CLTB: variants seen among roughly 807,000 people sequenced by gnomAD.
CLTB encodes clathrin light chain B.
CLTB carries 10 observed loss-of-function variants against 30.5 expected under a neutral mutation model. That is an observed-to-expected ratio of 0.33 (90% CI 0.20 to 0.56). CLTB has a LOEUF of 0.56. Ranked by LOEUF, CLTB falls within the 20% of genes least tolerant of loss-of-function variation. CLTB has a pLI of 0.91. For missense variants in CLTB, 261 were observed against 308.3 expected (o/e 0.85, Z 1.15); for synonymous variants, 102 against 120.3 (o/e 0.85, Z 1.00).
chr5:176,394,599 C>T (rs563456515), intron 5 of CLTB, among the ~76,000 whole-genome samples: 4 of 147,634 alleles, frequency 2.7e-5, no homozygotes, highest in East Asian at 1.9e-4. Context: ...GGGCGGATCA[C>T]GAGGTCAGAT....
chr5:176,410,141 G>T, intron 2 of CLTB, 116 bp downstream of exon 2: 1 of 877,668 alleles, frequency 1.1e-6, no homozygotes, highest in Non-Finnish European at 1.8e-6. Flanking sequence ...CCACCCCAAT[G>T]CATCAGACAT....
intron 2 of CLTB, among the ~76,000 whole-genome samples, chr5:176,403,610 C>T (rs868830740): frequency 1.3e-5 from 2 of 151,904 alleles, no homozygotes; most frequent in Non-Finnish European, 2.9e-5. Context: ...CCCACGACCA[C>T]GCCTGGTTAA....
intron 5 of CLTB, among the ~76,000 whole-genome samples, chr5:176,395,828 G>C (rs936376679): frequency 6.6e-6 from 1 of 152,104 alleles, no homozygotes; most frequent in Non-Finnish European, 1.5e-5. Flanking sequence ...CTCAGTGTCT[G>C]TTTTGTTGAA....
At chr5:176,413,048 A>C (rs1229542520) in intron 1 of CLTB, among the ~76,000 whole-genome samples, 4 of 152,142 alleles carry the variant, frequency 2.6e-5, no homozygotes, top group Non-Finnish European at 5.9e-5. Context: ...TCTCTGCCTC[A>C]GCCTCGAGAG....
Position 176,410,322 on chromosome 5 carries a change from G to C in CLTB, c.188-19C>G. 1 of 1,611,810 alleles carries C rather than the reference G, an allele frequency of 6.2e-7. No homozygotes were observed. The highest frequency in any genetic ancestry group is 1.3e-5 in the African/African-American group (1 of 75,004). ...GAACCAGCTGGAAAGAGAACAAGGA[G>C]ATAGCATTACTCACTGTTTAGCTTA... On this transcript the variant is annotated intron_variant, in intron 1 of 5. Transcript: ENST00000310418.
rs150871711 is a variant in CLTB, at chr5:176,397,614, T to C, written c.457A>G (p.Asn153Asp). ...TCCCTACAGCCCTCTCACCGGTTGT[T>C]GATCTTGTTCTTCTCTACTTGTTCA... ...QSEQVEKNKI[N>D]NRIADKAFYQ... The change falls in exon 4 of 6, where the codon AAC becomes GAC. Residue 153 changes from asparagine to aspartate, a missense_variant. Around this residue, in one of 3 missense-constraint regions of CLTB, gnomAD observed 123 missense variants for 157.0 expected, o/e 0.78. Coordinates refer to ENST00000310418, the MANE Select transcript of CLTB (RefSeq NM_007097.5). 141 of 1,560,926 alleles carry C rather than the reference T, an allele frequency of 9.0e-5. No individual in the cohort carries two copies. Among genetic ancestry groups the C allele is most frequent in the Middle Eastern group, 1.7e-4 (1 of 5,804 alleles).
chr5:176,403,118 C>T (rs1277907109), intron 2 of CLTB, among the ~76,000 whole-genome samples: 1 of 148,406 alleles, frequency 6.7e-6, no homozygotes, highest in African/African-American at 2.5e-5. Context: ...GTCAGGATCT[C>T]GGCTCACTGC....
rs913128052 is a variant in CLTB at position 176,393,928 on chromosome 5, C to T, written c.519-983G>A. Among the ~76,000 whole-genome samples the T allele has an allele frequency of 2.8e-4, 42 of 152,218 alleles. No individual in the cohort carries two copies. Among genetic ancestry groups the T allele is most frequent in the Non-Finnish European group, 5.9e-5 (4 of 68,036 alleles). ...TCACAAGTCCCTGGAAGCCCCCTCTCCATCTCAAGCAGGACCAGTTCTGCC... is the reference window on the plus strand; with the variant it reads ...TCACAAGTCCCTGGAAGCCCCCTCTTCATCTCAAGCAGGACCAGTTCTGCC... On this transcript the variant is annotated intron_variant, in intron 5 of 5. Transcript: ENST00000310418. The surrounding 1 kb of genome is among the most constrained non-coding windows in gnomAD (Gnocchi z 4.4).
intron 2 of CLTB, chr5:176,401,777 C>T (rs747532701): frequency 1.3e-5 from 6 of 456,070 alleles, no homozygotes; most frequent in Admixed American, 7.1e-5. Context: ...AACAATTTCC[C>T]GAGGGTGCTG....
intron 2 of CLTB, among the ~76,000 whole-genome samples, chr5:176,405,037 G>A (rs567637565): frequency 1.8e-4 from 27 of 152,366 alleles, no homozygotes; most frequent in African/African-American, 6.5e-4. Flanking sequence ...ATCACAGGGA[G>A]TTGGGAGGAC....
At position 176,410,243 on chromosome 5, in the gene CLTB, A is replaced by T. The variant is rs1581445973; in HGVS notation, c.234+14T>A. ...TGTTGGTCCTTACCACTGCTGAGAC[A>T]GAGCCTTGCTTACCTGAAACACATC... On this transcript the variant is annotated intron_variant, in intron 2 of 5. Transcript: ENST00000310418. 2 of 1,613,438 alleles carry T rather than the reference A, an allele frequency of 1.2e-6. No homozygotes were observed. Among genetic ancestry groups the T allele is most frequent in the East Asian group, 4.5e-5 (2 of 44,876 alleles).
chr5:176,395,622 C>T (rs919551304), intron 5 of CLTB, among the ~76,000 whole-genome samples: 2 of 152,142 alleles, frequency 1.3e-5, no homozygotes, highest in East Asian at 1.9e-4. Flanking sequence ...GACGTCGGCA[C>T]GAGATATAAC....
chr5:176,409,827 A>C (rs1757335210), intron 2 of CLTB, among the ~76,000 whole-genome samples: 1 of 152,210 alleles, frequency 6.6e-6, no homozygotes, highest in Non-Finnish European at 1.5e-5. Flanking sequence ...CCCTGCAAAG[A>C]ATCTGGGTGG....
At chr5:176,409,806 A>G (rs1390030541) in intron 2 of CLTB, among the ~76,000 whole-genome samples, 1 of 152,204 alleles carries the variant, frequency 6.6e-6, no homozygotes, top group African/African-American at 2.4e-5. Context: ...ATTGTCTGCC[A>G]TTATAAATAA....
chr5:176,416,393 T>C lies in CLTB; in HGVS notation c.-30A>G, dbSNP rs780040590. On this transcript the variant is annotated 5_prime_UTR_variant, in exon 1 of 6. Coordinates refer to ENST00000310418, the MANE Select transcript of CLTB (RefSeq NM_007097.5). The stretch of plus-strand genomic sequence containing the variant: ...CCCGCGCCTCCGCCGGAGCCTCCGC[T>C]GCGCTCGGCTCTGCCCGCGCCTGCC... 8 of 1,571,192 alleles carry C rather than the reference T, an allele frequency of 5.1e-6. No individual in the cohort carries two copies. The highest frequency in any genetic ancestry group is 1.1e-5 in the South Asian group (1 of 87,176).
At chr5:176,414,730 CTG>C (rs1757611825) in intron 1 of CLTB, among the ~76,000 whole-genome samples, 1 of 152,184 alleles carries the variant, frequency 6.6e-6, no homozygotes, top group African/African-American at 2.4e-5. Flanking sequence ...TCATTCCTGG[CTG>C]TGTGACTCTG....
chr5:176,416,273 G>A lies in CLTB; in HGVS notation c.91C>T (p.Gln31Ter), dbSNP rs1363615379. ...EDPAAAFLAQ[Q>*]ESEIAGIEND... ...TCTATGCCTGCAATCTCGCTCTCCTGCTGGGCCAGGAAGGCGGCCGCCGGG... is the reference window on the plus strand; with the variant it reads ...TCTATGCCTGCAATCTCGCTCTCCTACTGGGCCAGGAAGGCGGCCGCCGGG... Residue 31 changes from glutamine to a stop codon, truncating the protein, a stop_gained, in exon 1 of 6, where the codon CAG (glutamine) becomes TAG (stop). Transcript: ENST00000310418. LOFTEE classifies it high-confidence loss of function. The A allele has an allele frequency of 1.2e-6, 2 of 1,606,418 alleles. No homozygotes were observed. Among genetic ancestry groups the A allele is most frequent in the East Asian group, 2.3e-5 (1 of 43,924 alleles).
intron 2 of CLTB, among the ~76,000 whole-genome samples, chr5:176,399,887 A>AC (rs1756728403): frequency 6.7e-6 from 1 of 150,100 alleles, no homozygotes; most frequent in Non-Finnish European, 1.5e-5. Context: ...CAAAAAAAAA[A>AC]AAAAGAAAGA....
intron 2 of CLTB, among the ~76,000 whole-genome samples, chr5:176,400,403 C>T (rs1332742067): frequency 6.6e-6 from 1 of 152,172 alleles, no homozygotes; most frequent in Admixed American, 6.5e-5. Context: ...GGCCCAGAGA[C>T]ATGGCACAAC....
Sources: gnomAD v4.1 joint callset for allele counts (sites outside exome capture counted in the v4.1 genomes callset) on GRCh38, gnomAD v4.1.1 for gene constraint, gnomAD v4.1.1 regional missense constraint, Gnocchi (gnomAD v3.1) non-coding constraint, MANE v1.5 for transcripts, NCBI Gene and HGNC (gene_info 2026-07-23, HGNC 2026-07-21) for gene names.